ERBB4: variants seen among roughly 807,000 people sequenced by gnomAD.
The protein encoded by ERBB4 is receptor tyrosine-protein kinase erbB-4.
A neutral mutation model predicts 158.0 loss-of-function variants in ERBB4; 42 were observed. The ratio of observed to expected loss-of-function variants is 0.27; its 90% CI spans 0.21 to 0.34. The LOEUF is 0.34. Ranked by LOEUF, ERBB4 falls within the 10% of genes least tolerant of loss-of-function variation. The pLI is 1.00. For synonymous variants in ERBB4, 583 were observed against 558.7 expected (o/e 1.04, Z -0.61); for missense variants, 1,333 against 1,624.1 (o/e 0.82, Z 3.08).
At chr2:211,426,135 A>T (rs200438503) in intron 22 of ERBB4, among the ~76,000 whole-genome samples, 1 of 25,062 alleles carries the variant, frequency 4.0e-5, no homozygotes. Context: ...AAAATACAAA[A>T]ACAAAAGCCA....
chr2:212,399,545 CATAT>C (rs869111881), intron 1 of ERBB4, among the ~76,000 whole-genome samples: 3,101 of 36,874 alleles, frequency 0.084, 71 homozygotes, highest in African/African-American at 0.14. Context: ...TTTATATATA[CATAT>C]ATATATATAT....
intron 1 of ERBB4, among the ~76,000 whole-genome samples, chr2:212,126,460 C>CAAAAA (rs10585812): frequency 1.4e-5 from 1 of 70,692 alleles, no homozygotes; most frequent in African/African-American, 5.2e-5. Flanking sequence ...GACTCTGTCT[C>CAAAAA]AAAAAAAAAA....
At chr2:211,392,558 CCACACACACACACACACACACA>C (rs5838261) in intron 25 of ERBB4, among the ~76,000 whole-genome samples, 6 of 140,918 alleles carry the variant, frequency 4.3e-5, no homozygotes, top group African/African-American at 7.9e-5. Context: ...CTCTCTTACT[CCACACACACACACACACACACA>C]CACACACACA....
chr2:211,962,936 T>C (rs1259454428), intron 2 of ERBB4, among the ~76,000 whole-genome samples: 1 of 152,196 alleles, frequency 6.6e-6, no homozygotes, highest in African/African-American at 2.4e-5. Context: ...ACCTTCTTTT[T>C]TACAAATTCT....
intron 2 of ERBB4, among the ~76,000 whole-genome samples, chr2:211,982,150 T>C (rs923862886): frequency 1.3e-5 from 2 of 152,150 alleles, no homozygotes; most frequent in African/African-American, 2.4e-5. Flanking sequence ...AAATATATAT[T>C]GAGCTTCTTC....
chr2:212,461,682 G>A (rs1392952421), intron 1 of ERBB4, among the ~76,000 whole-genome samples: 2 of 152,130 alleles, frequency 1.3e-5, no homozygotes, highest in East Asian at 1.9e-4. Context: ...TCCAAAATGT[G>A]AGGATGTGAG....
At chr2:211,954,240 C>T (rs1194934135) in intron 2 of ERBB4, among the ~76,000 whole-genome samples, 1 of 151,984 alleles carries the variant, frequency 6.6e-6, no homozygotes, top group Non-Finnish European at 1.5e-5. Context: ...ATTACAGTAA[C>T]ACACAATTCC....
intron 1 of ERBB4, among the ~76,000 whole-genome samples, chr2:212,446,596 T>TGG (rs1473275549): frequency 1.3e-4 from 2 of 15,848 alleles, no homozygotes; most frequent in African/African-American, 7.0e-4. Flanking sequence ...TATATGTATA[T>TGG]ATATATATAT....
chr2:211,950,442 AC>A (rs2080843261), intron 2 of ERBB4, among the ~76,000 whole-genome samples: 1 of 152,162 alleles, frequency 6.6e-6, no homozygotes, highest in Non-Finnish European at 1.5e-5. Flanking sequence ...CTAACATTGT[AC>A]CTGGCCATCC....
In ERBB4 at chr2:212,286,767, A is replaced by ATTTTTTTT. The variant is rs748586400; in HGVS notation, c.83-161872_83-161865dup. On this transcript the variant is annotated intron_variant, in intron 1 of 27. Transcript: ENST00000342788. ...TAGGCGGGTGGCACCATGAGGGTTA[A>ATTTTTTTT]TTTTTTTTTTTTTTTTTTTTTTTGT... Among the ~76,000 whole-genome samples the ATTTTTTTT allele has an allele frequency of 7.7e-3, 304 of 39,546 alleles. 62 individuals carry two copies. The highest frequency in any genetic ancestry group is 0.028 in the African/African-American group (251 of 8,994). 25.9% of individuals were successfully genotyped at this position (39,546 alleles called of 152,430 possible). A position where few individuals can be genotyped will look rare whatever the true frequency, so the allele number is the denominator to read the frequency against.
chr2:211,853,128 A>G (rs1471343950), intron 3 of ERBB4, among the ~76,000 whole-genome samples: 1 of 151,988 alleles, frequency 6.6e-6, no homozygotes, highest in Non-Finnish European at 1.5e-5. Flanking sequence ...TAAGTAGAAC[A>G]GTCTCTGAGA....
chr2:211,882,743 C>T (rs1213458038), intron 3 of ERBB4, among the ~76,000 whole-genome samples: 1 of 152,162 alleles, frequency 6.6e-6, no homozygotes, highest in Non-Finnish European at 1.5e-5. Context: ...AGTATAGCCA[C>T]CTGGCTCCAG....
chr2:211,414,908 G>T (rs1463301655), intron 25 of ERBB4, among the ~76,000 whole-genome samples: 1 of 152,050 alleles, frequency 6.6e-6, no homozygotes, highest in African/African-American at 2.4e-5. Context: ...ACTGGCAGTA[G>T]TAGTTACCTC....
At chr2:212,068,494 A>G (rs140950414) in intron 2 of ERBB4, among the ~76,000 whole-genome samples, 1 of 152,092 alleles carries the variant, frequency 6.6e-6, no homozygotes, top group African/African-American at 2.4e-5. Context: ...ATAACAGCCA[A>G]TTTCCCAAAC....
At chr2:211,626,939 A>G (rs1454285136) in intron 17 of ERBB4, among the ~76,000 whole-genome samples, 1 of 90,802 alleles carries the variant, frequency 1.1e-5, no homozygotes, top group African/African-American at 4.2e-5. Context: ...AATAAAAATA[A>G]AAATAAATAA....
chr2:211,420,226 T>G (rs2063485788), intron 25 of ERBB4, among the ~76,000 whole-genome samples: 1 of 152,050 alleles, frequency 6.6e-6, no homozygotes, highest in Admixed American at 6.6e-5. Context: ...ATCTTGAAGG[T>G]ATTTCAGAGT....
chr2:212,216,378 G>A (rs2105939986), intron 1 of ERBB4, among the ~76,000 whole-genome samples: 1 of 151,142 alleles, frequency 6.6e-6, no homozygotes, highest in East Asian at 1.9e-4. Context: ...GCATATCATG[G>A]CAACATTTTA....
chr2:212,230,032 C>T (rs1160826755), intron 1 of ERBB4, among the ~76,000 whole-genome samples: 1 of 152,116 alleles, frequency 6.6e-6, no homozygotes, highest in African/African-American at 2.4e-5. Context: ...CGCCTGTAAT[C>T]CAAGCACTTT....
chr2:212,253,918 A>G (rs1030787540), intron 1 of ERBB4, among the ~76,000 whole-genome samples: 1 of 152,156 alleles, frequency 6.6e-6, no homozygotes, highest in Admixed American at 6.6e-5. Flanking sequence ...GCACACCTGT[A>G]TAGTATGTTA....
Sources: allele counts gnomAD v4.1 joint callset (sites outside exome capture counted in the v4.1 genomes callset), GRCh38; gene constraint gnomAD v4.1.1; transcripts MANE v1.5; gene names NCBI Gene and HGNC (gene_info 2026-07-23, HGNC 2026-07-21).